The following WDR70 variants were observed in gnomAD, a reference collection of about 807,000 sequenced individuals.
WDR70 encodes the protein WD repeat domain 70, also known as WD repeat-containing protein 70.
WDR70 carries 53 observed loss-of-function variants against 88.6 expected under a neutral mutation model. That is an observed-to-expected ratio of 0.60 (90% CI 0.48 to 0.75). The LOEUF (loss-of-function observed/expected upper bound fraction) is 0.75. Among genes scored for constraint, WDR70 ranks in the 30% least tolerant of loss-of-function variants. WDR70 has a pLI of 0.00. For missense variants in WDR70, 610 were observed against 823.2 expected (o/e 0.74, Z 3.17); for synonymous variants, 280 against 270.0 (o/e 1.04, Z -0.36).
intron 8 of WDR70, among the ~76,000 whole-genome samples, chr5:37,493,831 CTTTTT>C (rs34976552): frequency 7.1e-6 from 1 of 140,800 alleles, no homozygotes; most frequent in Admixed American, 7.1e-5. Flanking sequence ...GGAAGGAATA[CTTTTT>C]TTTTTTTTTT....
At chr5:37,447,614 A>T (rs954068644) in intron 7 of WDR70, among the ~76,000 whole-genome samples, 1 of 152,264 alleles carries the variant, frequency 6.6e-6, no homozygotes, top group Non-Finnish European at 1.5e-5. Flanking sequence ...GCCATAAAAA[A>T]TGATGAGTTC....
chr5:37,396,217 G>T (rs564178288), intron 4 of WDR70, among the ~76,000 whole-genome samples, 158 bp from the exon 5 acceptor site: 1 of 151,678 alleles, frequency 6.6e-6, no homozygotes, highest in South Asian at 2.1e-4. Context: ...TAAAATATTT[G>T]GCATTAAACA....
chr5:37,523,576 T>TC (rs1741164034), intron 9 of WDR70, among the ~76,000 whole-genome samples: 1 of 151,950 alleles, frequency 6.6e-6, no homozygotes, highest in Non-Finnish European at 1.5e-5. Flanking sequence ...AGAGCGCCTC[T>TC]CCCCCTCCAA....
At chr5:37,411,937 T>C (rs1287180331) in intron 5 of WDR70, among the ~76,000 whole-genome samples, 1 of 151,960 alleles carries the variant, frequency 6.6e-6, no homozygotes, top group Non-Finnish European at 1.5e-5. Context: ...TAATTTCTTT[T>C]TGATAAACTT....
chr5:37,570,023 A>G (rs552110677), intron 9 of WDR70, among the ~76,000 whole-genome samples: 3 of 152,326 alleles, frequency 2.0e-5, no homozygotes, highest in South Asian at 4.1e-4. Flanking sequence ...GCAAGATGCT[A>G]TAAGACATAC....
chr5:37,402,293 TTGTGTGTGTGTG>T lies in WDR70; in HGVS notation c.492+5747_492+5758del, dbSNP rs35565451. ...CTTTCTAAATTTAGCCAGATAGTAT[TTGTGTGTGTGTG>T]TGTGTGTGTGTGTGTGTGTGTGTTT... On this transcript the variant is annotated intron_variant, in intron 5 of 17. Transcript: ENST00000265107. Among the ~76,000 whole-genome samples, 97 of 24,510 alleles carry T rather than the reference TTGTGTGTGTGTG, an allele frequency of 4.0e-3. 1 individual carries two copies. The South Asian group carries it at 0.099, about 25-fold the overall frequency. 16.1% of individuals were successfully genotyped at this position (24,510 alleles called of 152,430 possible).
intron 7 of WDR70, among the ~76,000 whole-genome samples, chr5:37,453,980 T>A (rs1343085613): frequency 6.6e-6 from 1 of 152,204 alleles, no homozygotes; most frequent in African/African-American, 2.4e-5. Context: ...AAATGATGTG[T>A]TTTTCACATT....
chr5:37,443,504 G>A (rs1361857423), intron 7 of WDR70, 132 bp downstream of exon 7: 10 of 975,980 alleles, frequency 1.0e-5, no homozygotes, highest in Admixed American at 3.0e-5. Context: ...GACTGTATAC[G>A]GCCTTCATAA....
At chr5:37,434,857 T>A (rs904328163) in intron 5 of WDR70, among the ~76,000 whole-genome samples, 1 of 152,260 alleles carries the variant, frequency 6.6e-6, no homozygotes, top group Non-Finnish European at 1.5e-5. Context: ...TAGTTTATGA[T>A]GTTCCTTGGC....
chr5:37,710,790 A>AT (rs1447093876), intron 13 of WDR70, among the ~76,000 whole-genome samples: 2 of 152,000 alleles, frequency 1.3e-5, no homozygotes, highest in Non-Finnish European at 2.9e-5. Flanking sequence ...TTTGCCATAG[A>AT]TTTTTTGTTT....
At chr5:37,418,137 A>T (rs1749819334) in intron 5 of WDR70, among the ~76,000 whole-genome samples, 1 of 152,190 alleles carries the variant, frequency 6.6e-6, no homozygotes, top group Non-Finnish European at 1.5e-5. Context: ...ATAATACTTG[A>T]TTCATTCTTT....
At chr5:37,636,926 T>G (rs1181280950) in intron 10 of WDR70, among the ~76,000 whole-genome samples, 1 of 152,192 alleles carries the variant, frequency 6.6e-6, no homozygotes, top group Non-Finnish European at 1.5e-5. Flanking sequence ...CTATCAGTGT[T>G]ACTCTTCTGT....
intron 5 of WDR70, among the ~76,000 whole-genome samples, chr5:37,406,923 G>A (rs1357494997): frequency 1.3e-5 from 2 of 152,156 alleles, no homozygotes; most frequent in East Asian, 3.8e-4. Context: ...GCATTATAAG[G>A]AAGAGGTGGG....
intron 13 of WDR70, among the ~76,000 whole-genome samples, chr5:37,716,575 G>A (rs1357946524): frequency 1.3e-5 from 2 of 152,136 alleles, no homozygotes; most frequent in Admixed American, 6.5e-5. Context: ...CTATGTGCGA[G>A]TTATTATGTG....
At chr5:37,721,431 T>C in intron 14 of WDR70, 1 of 569,002 alleles carries the variant, frequency 1.8e-6, no homozygotes, top group Non-Finnish European at 3.1e-6. Flanking sequence ...AGCGAAAGTT[T>C]CCTGGGAATT....
At chr5:37,543,068 T>C (rs1691260640) in intron 9 of WDR70, among the ~76,000 whole-genome samples, 1 of 152,202 alleles carries the variant, frequency 6.6e-6, no homozygotes, top group Non-Finnish European at 1.5e-5. Flanking sequence ...CTGGCTATCC[T>C]GGAGGGTGAA....
At chr5:37,724,032 G>C (rs1011248207) in intron 15 of WDR70, 10 of 152,038 alleles carry the variant, frequency 6.6e-5, no homozygotes, top group Admixed American at 4.6e-4. Context: ...ACATTTTATT[G>C]ATATTATAAA....
chr5:37,676,429 G>C (rs1347385827), intron 10 of WDR70, among the ~76,000 whole-genome samples: 1 of 152,132 alleles, frequency 6.6e-6, no homozygotes, highest in Non-Finnish European at 1.5e-5. Flanking sequence ...AATTTCTTGA[G>C]AGTTTTTAGC....
chr5:37,516,622 T>A (rs771389021), intron 9 of WDR70, 32 bp downstream of exon 9: 1 of 1,448,118 alleles, frequency 6.9e-7, no homozygotes, highest in East Asian at 2.3e-5. Context: ...TCTAATACAT[T>A]CATATCTTTA....
Sources: allele counts gnomAD v4.1 joint callset (sites outside exome capture counted in the v4.1 genomes callset), GRCh38; gene constraint gnomAD v4.1.1; transcripts MANE v1.5; gene names NCBI Gene and HGNC (gene_info 2026-07-23, HGNC 2026-07-21).